Variants in PTCH2 observed in about 807,000 individuals in gnomAD.
The protein encoded by PTCH2 is patched 2.
In PTCH2, 96 loss-of-function variants were observed where a neutral mutation model predicts 117.9. That is an observed-to-expected ratio of 0.81 (90% CI 0.69 to 0.96). PTCH2 has a LOEUF of 0.96. Among genes scored for constraint, PTCH2 ranks in the 50% least tolerant of loss-of-function variants. The pLI is 0.00. For synonymous variants in PTCH2, 615 were observed against 660.9 expected (o/e 0.93, Z 1.06); for missense variants, 1,379 against 1,562.5 (o/e 0.88, Z 1.98).
chr1:44,820,781 A>G, downstream of PTCH2: 1 of 713,534 alleles, frequency 1.4e-6, no homozygotes, highest in South Asian at 1.5e-5. Context: ...AGTGGCACTG[A>G]GGGCTGACCC....
In PTCH2 at chr1:44,823,473, C is replaced by T; in HGVS notation, c.3115-88G>A. The T allele has an allele frequency of 2.5e-6, 4 of 1,582,488 alleles. No individual in the cohort carries two copies. The highest frequency in any genetic ancestry group is 1.7e-5 in the Admixed American group (1 of 58,244). On this transcript the variant is annotated intron_variant, in intron 19 of 21. Coordinates refer to ENST00000372192, the MANE Select transcript of PTCH2 (RefSeq NM_003738.5). The surrounding 1 kb of genome is among the most constrained non-coding windows in gnomAD (Gnocchi z 5.1). Reference sequence around the variant, plus strand: ...CCGAGCTGTATCTGTCTTCAGAGCTCAACGATACCTTGGCCCACCAAAGGC... The same window carrying T: ...CCGAGCTGTATCTGTCTTCAGAGCTTAACGATACCTTGGCCCACCAAAGGC...
At chr1:44,837,880 C>A (rs890514847) in intron 2 of PTCH2, among the ~76,000 whole-genome samples, 1 of 151,658 alleles carries the variant, frequency 6.6e-6, no homozygotes, top group African/African-American at 2.4e-5. Context: ...AGATCGACAC[C>A]ATCCTGGCTA....
downstream of PTCH2, among the ~76,000 whole-genome samples, chr1:44,821,592 C>T (rs1322626342): frequency 2.6e-5 from 4 of 152,116 alleles, no homozygotes; most frequent in South Asian, 2.1e-4. Flanking sequence ...GTTTCCCGTG[C>T]GGGTGAAGCA....
rs1653301566 is a variant in PTCH2, at chr1:44,829,087, A to G, written c.1372-13T>C. 6.2e-7 allele frequency: 1 copy of G among 1,613,050 alleles called. No homozygotes were observed. Among genetic ancestry groups the G allele is most frequent in the South Asian group, 1.1e-5 (1 of 90,912 alleles). On this transcript the variant is annotated splice_polypyrimidine_tract_variant and intron_variant, in intron 10 of 21. Transcript: ENST00000372192. ...AGAAGGGCAGCACCTGGAGGGGCAG[A>G]GGAGCGGGCAGCTGAGGACCCGTGA...
Position 44,823,550 on chromosome 1 carries a change from T to C in PTCH2, c.3115-165A>G, listed in dbSNP as rs1271608177. On this transcript the variant is annotated intron_variant, in intron 19 of 21. Coordinates refer to ENST00000372192, the MANE Select transcript of PTCH2 (RefSeq NM_003738.5). The surrounding 1 kb of genome is among the most constrained non-coding windows in gnomAD (Gnocchi z 5.1). ...TACAGGGAGCATGCGTGAGTCCTTT[T>C]AGGTAACACTGTATGGATGGGTTTG... is the stretch of plus-strand genomic sequence containing the variant. 6.6e-6 allele frequency among the ~76,000 whole-genome samples: 1 copy of C among 152,176 alleles called. No homozygotes were observed. The highest frequency in any genetic ancestry group is 1.5e-5 in the Non-Finnish European group (1 of 68,036).
intron 2 of PTCH2, among the ~76,000 whole-genome samples, chr1:44,839,481 T>G (rs1573661878): frequency 6.6e-6 from 1 of 150,572 alleles, no homozygotes; most frequent in Non-Finnish European, 1.5e-5. Flanking sequence ...TTGGCTACCA[T>G]CCTCTTATAA....
rs1268981427 is a variant in PTCH2 at position 44,823,323 on chromosome 1, A to C, written c.3177T>G (p.Phe1059Leu). The C allele has an allele frequency of 1.2e-6, 2 of 1,614,210 alleles. No individual in the cohort carries two copies. Residue 1059 changes from phenylalanine (F) to leucine (L), a missense_variant, in exon 20 of 22, where the codon TTT (phenylalanine) becomes TTG (leucine). Transcript: ENST00000372192. This position sits in a 1 kb window ranked among gnomAD's most constrained non-coding sequence, Gnocchi z 5.1. ...LRAAHALEHTFAPVTDGAIST... is the reference protein window; with the variant it reads ...LRAAHALEHTLAPVTDGAIST... ...AGATGGCCCCATCGGTCACGGGGGC[A>C]AATGTGTGCTCAAGGGCATGGGCGG...
Position 44,826,488 on chromosome 1 carries a change from T to C in PTCH2, c.2976A>G (p.Ile992Met). The C allele has an allele frequency of 6.2e-7, 1 of 1,613,720 alleles. No individual in the cohort carries two copies. The highest frequency in any genetic ancestry group is 8.5e-7 in the Non-Finnish European group (1 of 1,179,978). ...TGTCCCCACTCCTGCAAGCACTCAC[T>C]ATGAGGCCAGCCGTCCAGGGGTTGA... Reference protein sequence around the residue: ...LLLNPWTAGLIVLVLAMMTVE... With the variant: ...LLLNPWTAGLMVLVLAMMTVE... The change falls in exon 18 of 22, where the codon ATA (isoleucine) becomes ATG (methionine). Residue 992 changes from isoleucine to methionine, a missense_variant and splice_region_variant. By Grantham distance (10) the Ile-to-Met change is conservative. Coordinates refer to ENST00000372192, the MANE Select transcript of PTCH2 (RefSeq NM_003738.5). The surrounding 1 kb of genome is among the most constrained non-coding windows in gnomAD (Gnocchi z 5.1).
At position 44,826,115 on chromosome 1, in the gene PTCH2, G is replaced by A; in HGVS notation, c.3114+135C>T. On this transcript the variant is annotated intron_variant, in intron 19 of 21. Coordinates refer to ENST00000372192, the MANE Select transcript of PTCH2 (RefSeq NM_003738.5). The surrounding 1 kb of genome is among the most constrained non-coding windows in gnomAD (Gnocchi z 5.1). ...CCTGCCTCGGCCTCCCAAAGTGCTG[G>A]GATTACAGGAATGAGCTACCACGTC... is the stretch of plus-strand genomic sequence containing the variant. The A allele has an allele frequency of 2.4e-6, 3 of 1,232,454 alleles. No homozygotes were observed. Among genetic ancestry groups the A allele is most frequent in the East Asian group, 2.6e-5 (1 of 38,958 alleles). 76.3% of individuals were successfully genotyped at this position (1,232,454 alleles called of 1,614,324 possible).
At chr1:44,821,425 A>C (rs1040545996), downstream of PTCH2, among the ~76,000 whole-genome samples, 9 of 152,180 alleles carry the variant, frequency 5.9e-5, no homozygotes, top group South Asian at 1.2e-3. Context: ...TTTGCCTTGG[A>C]GGTTGCTCTG....
At chr1:44,824,081 GC>G (rs141185523) in intron 19 of PTCH2, among the ~76,000 whole-genome samples, 1,803 of 152,314 alleles carry the variant, frequency 0.012, 38 homozygotes, top group African/African-American at 0.041. Flanking sequence ...TGGCAGAGTT[GC>G]AGCAGAGACT....
chr1:44,835,772 G>A (rs1653657011), intron 2 of PTCH2, among the ~76,000 whole-genome samples: 1 of 152,172 alleles, frequency 6.6e-6, no homozygotes, highest in Admixed American at 6.5e-5. Flanking sequence ...TGTGAATGAT[G>A]AGGTGCCCAC....
At chr1:44,837,452 C>T (rs776305304) in intron 2 of PTCH2, among the ~76,000 whole-genome samples, 5 of 152,176 alleles carry the variant, frequency 3.3e-5, no homozygotes, top group Non-Finnish European at 7.3e-5. Context: ...CAAGGTTTTG[C>T]CATGTTGGCC....
At chr1:44,837,801 G>A (rs1247789454) in intron 2 of PTCH2, among the ~76,000 whole-genome samples, 3 of 152,122 alleles carry the variant, frequency 2.0e-5, no homozygotes, top group South Asian at 2.1e-4. Context: ...GGTTTGTGCC[G>A]GGCCCGGTGG....
In PTCH2 at chr1:44,830,916, C is replaced by G; in HGVS notation, c.745G>C (p.Gly249Arg). The change falls in exon 6 of 22, where the codon GGG becomes CGG. Residue 249 changes from glycine to arginine, a missense_variant. Transcript: ENST00000372192. ...TCATCAGGGTGCAGACAGGGCCGCC[C>G]CACGTAGGCCTGGCCCACCTGTGCC... Reference protein sequence around the residue: ...DKAQVGQAYVGRPCLHPDDLH... With the variant: ...DKAQVGQAYVRRPCLHPDDLH... The G allele has an allele frequency of 2.5e-6, 4 of 1,588,926 alleles. No individual in the cohort carries two copies. The highest frequency in any genetic ancestry group is 4.5e-5 in the East Asian group (2 of 44,172).
At chr1:44,827,143 G>A (rs1302621906) in intron 16 of PTCH2, 24 bp downstream of exon 16, 1 of 1,614,006 alleles carries the variant, frequency 6.2e-7, no homozygotes, top group South Asian at 1.1e-5. Flanking sequence ...CTGTACTAGT[G>A]GACCCCTCCA....
intron 6 of PTCH2, 151 bp from the exon 7 acceptor site, chr1:44,830,181 G>C: frequency 3.6e-6 from 4 of 1,114,920 alleles, no homozygotes; most frequent in Non-Finnish European, 5.0e-6. Flanking sequence ...TGCTCTGCAG[G>C]AGTGAACAGC....
chr1:44,820,539 G>T, downstream of PTCH2: 1 of 677,754 alleles, frequency 1.5e-6, no homozygotes, highest in South Asian at 1.6e-5. Flanking sequence ...CTCGAAGGGT[G>T]ATATGGGGTC....
At chr1:44,820,649 C>T (rs947482386), downstream of PTCH2, 2 of 713,004 alleles carry the variant, frequency 2.8e-6, no homozygotes, top group Non-Finnish European at 5.2e-6. Flanking sequence ...AGTGGCGCTC[C>T]GTGTGTCTGA....
Sources: allele counts gnomAD v4.1 joint callset (sites outside exome capture counted in the v4.1 genomes callset), GRCh38; gene constraint gnomAD v4.1.1; non-coding constraint Gnocchi (gnomAD v3.1); transcripts MANE v1.5; gene names NCBI Gene and HGNC (gene_info 2026-07-23, HGNC 2026-07-21).